WDR25: variants seen among roughly 807,000 people sequenced by gnomAD.
WDR25 encodes the protein WD repeat-containing protein 25.
WDR25 carries 35 observed loss-of-function variants against 47.7 expected under a neutral mutation model. The ratio of observed to expected loss-of-function variants is 0.73; its 90% CI spans 0.56 to 0.97. The LOEUF is 0.97. Among genes scored for constraint, WDR25 ranks in the 50% least tolerant of loss-of-function variants. WDR25 has a pLI of 0.00. For synonymous variants in WDR25, 248 were observed against 278.9 expected (o/e 0.89, Z 1.10); for missense variants, 634 against 704.7 (o/e 0.90, Z 1.14).
chr14:100,515,993 AT>A (rs143630748), intron 4 of WDR25, among the ~76,000 whole-genome samples: 10,373 of 143,968 alleles, frequency 0.072, 457 homozygotes, highest in Non-Finnish European at 0.11. Flanking sequence ...CTATTGACAG[AT>A]TTTTTTTTTT....
chr14:100,443,539 G>A (rs375634587), intron 2 of WDR25, among the ~76,000 whole-genome samples: 11 of 152,310 alleles, frequency 7.2e-5, no homozygotes, highest in East Asian at 1.9e-4. Context: ...GCTGTCACTC[G>A]ATTGTTCCCT....
chr14:100,439,841 A>G (rs1363036631), intron 2 of WDR25, among the ~76,000 whole-genome samples: 1 of 152,230 alleles, frequency 6.6e-6, no homozygotes, highest in Non-Finnish European at 1.5e-5. Flanking sequence ...AGGGTTTTAT[A>G]GCAAAAATTC....
At chr14:100,491,771 A>G (rs1009801668) in intron 4 of WDR25, among the ~76,000 whole-genome samples, 1 of 152,238 alleles carries the variant, frequency 6.6e-6, no homozygotes, top group African/African-American at 2.4e-5. Flanking sequence ...TGCCATGTGC[A>G]GCTCCGTGCC....
At chr14:100,415,276 A>T (rs1897837940) in intron 2 of WDR25, among the ~76,000 whole-genome samples, 1 of 152,246 alleles carries the variant, frequency 6.6e-6, no homozygotes, top group Admixed American at 6.5e-5. Context: ...AGGCAAAGAA[A>T]TATTAGTTTT....
At position 100,421,706 on chromosome 14, in the gene WDR25, G is replaced by A. The variant is rs558562415; in HGVS notation, c.822+39960G>A. 1.3e-3 allele frequency among the ~76,000 whole-genome samples: 203 copies of A among 152,226 alleles called. 1 individual carries two copies. The highest frequency in any genetic ancestry group is 7.9e-3 in the South Asian group (38 of 4,824). On this transcript the variant is annotated intron_variant, in intron 2 of 6. Coordinates refer to ENST00000402312, the MANE Select transcript of WDR25 (RefSeq NM_001161476.3). ...TTCCATTAGTGGCCACTCCCCTGAC[G>A]TTGGTGGGCATGCTTTTAAATGTTT... is the stretch of plus-strand genomic sequence containing the variant.
rs1220115097 is a variant in WDR25 at position 100,454,446 on chromosome 14, G to A, written c.823-13575G>A. 4 of 1,287,066 alleles carry A rather than the reference G, an allele frequency of 3.1e-6. No individual in the cohort carries two copies. In the East Asian group the frequency reaches 2.2e-4, roughly 71 times the overall value. The allele number at this position is 1,287,066 out of a possible 1,614,324, so 79.7% of individuals were successfully genotyped here. ...ACAGATGCTTAAAATTGAAAATTATGTTTGGCTTCCAGTAATGAAGCAGTA... is the reference window on the plus strand; with the variant it reads ...ACAGATGCTTAAAATTGAAAATTATATTTGGCTTCCAGTAATGAAGCAGTA... On this transcript the variant is annotated intron_variant, in intron 2 of 6. Coordinates refer to ENST00000402312, the MANE Select transcript of WDR25 (RefSeq NM_001161476.3).
intron 2 of WDR25, among the ~76,000 whole-genome samples, chr14:100,386,463 C>T (rs898960154): frequency 2.0e-4 from 31 of 152,220 alleles, no homozygotes; most frequent in African/African-American, 7.2e-4. Flanking sequence ...TTATAACTGT[C>T]TCAAGTTTCA....
In WDR25 at chr14:100,381,236, A is replaced by G. The variant is rs760684659; in HGVS notation, c.312A>G (p.Gln104=). 5 of 1,613,704 alleles carry G rather than the reference A, an allele frequency of 3.1e-6. No individual in the cohort carries two copies. Among genetic ancestry groups the G allele is most frequent in the Non-Finnish European group, 4.2e-6 (5 of 1,179,930 alleles). Reference sequence around the variant, plus strand: ...TACAGTGGCCCGGGAAGGAGCCTCAAGTCACCTTCCCCATCAAAGAGCCTT... The same window carrying G: ...TACAGTGGCCCGGGAAGGAGCCTCAGGTCACCTTCCCCATCAAAGAGCCTT... ...QRLQWPGKEP[Q]VTFPIKEPSC... Residue 104 remains glutamine, a synonymous_variant, in exon 2 of 7, where the codon CAA becomes CAG. Coordinates refer to ENST00000402312, the MANE Select transcript of WDR25 (RefSeq NM_001161476.3).
intron 4 of WDR25, among the ~76,000 whole-genome samples, chr14:100,494,193 A>G (rs1416193660): frequency 6.6e-6 from 1 of 152,214 alleles, no homozygotes; most frequent in Non-Finnish European, 1.5e-5. Flanking sequence ...TAAAAGTGTT[A>G]GGATTATAGG....
chr14:100,477,752 G>T (rs1418845541), intron 3 of WDR25, among the ~76,000 whole-genome samples: 1 of 152,174 alleles, frequency 6.6e-6, no homozygotes, highest in African/African-American at 2.4e-5. Flanking sequence ...AGCCTCATGA[G>T]AAAAGCTGAA....
Position 100,530,093 on chromosome 14 carries a change from CT to C in WDR25, c.*54del. The C allele has an allele frequency of 6.4e-7, 1 of 1,556,028 alleles. No individual in the cohort carries two copies. Among genetic ancestry groups the C allele is most frequent in the East Asian group, 2.3e-5 (1 of 44,342 alleles). On this transcript the variant is annotated 3_prime_UTR_variant, in exon 7 of 7. Transcript: ENST00000402312. ...GCCAGCTGGGCTCTTGGACTCCCCTCTTCCTCAAGGGTAGATGAGAGGAACG... is the reference window on the plus strand; with the variant it reads ...GCCAGCTGGGCTCTTGGACTCCCCTCTCCTCAAGGGTAGATGAGAGGAACG...
At chr14:100,389,782 T>TG (rs1468897808) in intron 2 of WDR25, among the ~76,000 whole-genome samples, 2 of 152,214 alleles carry the variant, frequency 1.3e-5, no homozygotes, top group African/African-American at 4.8e-5. Flanking sequence ...AACTCTGCTT[T>TG]GCCAGGGCTT....
chr14:100,452,500 T>C (rs2140268973), intron 2 of WDR25, among the ~76,000 whole-genome samples: 1 of 152,268 alleles, frequency 6.6e-6, no homozygotes. Flanking sequence ...GGAACATCTC[T>C]CTGAGTAGAG....
intron 2 of WDR25, among the ~76,000 whole-genome samples, chr14:100,446,650 T>G (rs186906359): frequency 5.8e-4 from 88 of 151,738 alleles, no homozygotes; most frequent in African/African-American, 2.0e-3. Context: ...CAGCTTGAAA[T>G]TAATCAGCAG....
intron 1 of WDR25, among the ~76,000 whole-genome samples, chr14:100,379,552 T>C (rs1218086452): frequency 4.6e-5 from 7 of 151,784 alleles, no homozygotes; most frequent in Non-Finnish European, 1.0e-4. Context: ...CATGTCCGGC[T>C]AATTTTTGTA....
intron 4 of WDR25, among the ~76,000 whole-genome samples, chr14:100,493,893 C>T (rs1900645574): frequency 6.6e-6 from 1 of 152,272 alleles, no homozygotes; most frequent in East Asian, 1.9e-4. Context: ...AGATGAATCT[C>T]TCTCCACCAC....
chr14:100,390,998 G>C (rs953559362), intron 2 of WDR25, among the ~76,000 whole-genome samples: 1 of 152,138 alleles, frequency 6.6e-6, no homozygotes, highest in Non-Finnish European at 1.5e-5. Flanking sequence ...ATCTCCTGTA[G>C]TCTTAGCGTT....
intron 2 of WDR25, among the ~76,000 whole-genome samples, chr14:100,390,124 C>A (rs1411037517): frequency 6.6e-6 from 1 of 152,122 alleles, no homozygotes; most frequent in East Asian, 1.9e-4. Context: ...GGGAAGTGTT[C>A]TGTCATGTTT....
At chr14:100,387,723 A>T (rs1897050063) in intron 2 of WDR25, among the ~76,000 whole-genome samples, 1 of 152,156 alleles carries the variant, frequency 6.6e-6, no homozygotes. Flanking sequence ...GAAGCTTCAG[A>T]CTCAGAGCCT....
Sources: allele counts gnomAD v4.1 joint callset (sites outside exome capture counted in the v4.1 genomes callset), GRCh38; gene constraint gnomAD v4.1.1; transcripts MANE v1.5; gene names NCBI Gene and HGNC (gene_info 2026-07-23, HGNC 2026-07-21).